CDC42EP3: variants seen among roughly 807,000 people sequenced by gnomAD.
CDC42EP3 encodes the protein CDC42 effector protein 3, also known as CDC42 effector protein (Rho GTPase binding) 3.
CDC42EP3 carries 4 observed loss-of-function variants against 15.5 expected under a neutral mutation model. That is an observed-to-expected ratio of 0.26 (90% CI 0.13 to 0.59). The LOEUF (loss-of-function observed/expected upper bound fraction) is 0.59, where lower values mean the gene tolerates loss of function less well. Ranked by LOEUF, CDC42EP3 falls within the 20% of genes least tolerant of loss-of-function variation. CDC42EP3 has a pLI of 0.89. For synonymous variants in CDC42EP3, 145 were observed against 130.3 expected, an observed-to-expected ratio of 1.11 and a Z score of -0.77; for missense variants, 309 against 311.2, an observed-to-expected ratio of 0.99 and a Z score of 0.05.
chr2:37,663,902 C>A (rs962982890), intron 1 of CDC42EP3, among the ~76,000 whole-genome samples: 1 of 151,984 alleles, frequency 6.6e-6, no homozygotes, highest in African/African-American at 2.4e-5. Flanking sequence ...AGGCCGGGCG[C>A]GGTGGCTCAT....
In CDC42EP3 at chr2:37,645,626, A is replaced by G. The variant is rs1239233314; in HGVS notation, c.*197T>C. ...TCTGACTCACTTCCTTTTTTTGCCA[A>G]GATAGGTTTTGCTTTGTTGTTTTTT... On this transcript the variant is annotated 3_prime_UTR_variant, in exon 2 of 2. Coordinates refer to ENST00000295324, the MANE Select transcript of CDC42EP3 (RefSeq NM_006449.5). 3 of 457,542 alleles carry G rather than the reference A, an allele frequency of 6.6e-6. No individual in the cohort carries two copies. The highest frequency in any genetic ancestry group is 2.0e-5 in the African/African-American group (1 of 49,642). 28.3% of individuals were successfully genotyped at this position (457,542 alleles called of 1,614,324 possible). A position where few individuals can be genotyped will look rare whatever the true frequency, so the allele number is the denominator to read the frequency against.
upstream of CDC42EP3, chr2:37,672,203 G>C (rs918455312): frequency 2.6e-5 from 4 of 152,318 alleles, no homozygotes; most frequent in South Asian, 2.1e-4. Context: ...GGGCGCGGAG[G>C]GGGAGGGTCG....
chr2:37,646,743 A>G lies in CDC42EP3; in HGVS notation c.-156T>C, dbSNP rs1490377815. 2.7e-6 allele frequency: 2 copies of G among 730,870 alleles called. No individual in the cohort carries two copies. The highest frequency in any genetic ancestry group is 5.4e-5 in the East Asian group (2 of 37,026). 45.3% of individuals were successfully genotyped at this position (730,870 alleles called of 1,614,324 possible). On this transcript the variant is annotated 5_prime_UTR_variant, in exon 2 of 2. Coordinates refer to ENST00000295324, the MANE Select transcript of CDC42EP3 (RefSeq NM_006449.5). ...TCGAAATGAGATGGGGTCAAAGAGA[A>G]CCTTCCTGAGGTTACGGCCAAGTGA... is the stretch of plus-strand genomic sequence containing the variant.
chr2:37,672,237 T>G (rs1368468124), upstream of CDC42EP3: 4 of 152,008 alleles, frequency 2.6e-5, no homozygotes, highest in African/African-American at 4.8e-5. Flanking sequence ...TCTAGCTCGC[T>G]CCCCTCAGAG....
chr2:37,654,094 A>G (rs558717122), intron 1 of CDC42EP3, among the ~76,000 whole-genome samples: 1 of 152,134 alleles, frequency 6.6e-6, no homozygotes, highest in South Asian at 2.1e-4. Flanking sequence ...GTTGGAACCA[A>G]CAGTCCTAGG....
At chr2:37,649,572 G>A (rs1478507630) in intron 1 of CDC42EP3, among the ~76,000 whole-genome samples, 2 of 151,748 alleles carry the variant, frequency 1.3e-5, no homozygotes, top group Non-Finnish European at 2.9e-5. Context: ...ATTTGGGACA[G>A]TGAGGAGGAA....
rs1170181775 is a variant in CDC42EP3 at position 37,646,497 on chromosome 2, T to TCATATCA, written c.84_90dup (p.Ile31Ter). 3.7e-6 allele frequency: 6 copies of TCATATCA among 1,612,204 alleles called. No homozygotes were observed. Among genetic ancestry groups the TCATATCA allele is most frequent in the Non-Finnish European group, 5.1e-6 (6 of 1,179,462 alleles). ...CGAAAGTCTCCAAGCGGGGGACTGATCATATCAGGAGACAGAATGTCCCTC... is the reference window on the plus strand; with the variant it reads ...CGAAAGTCTCCAAGCGGGGGACTGATCATATCACATATCAGGAGACAGAATGTCCCTC... On this transcript the variant is annotated stop_gained and frameshift_variant, in exon 2 of 2. Coordinates refer to ENST00000295324, the MANE Select transcript of CDC42EP3 (RefSeq NM_006449.5). LOFTEE classifies it high-confidence loss of function.
At chr2:37,659,108 A>G (rs758238378) in intron 1 of CDC42EP3, among the ~76,000 whole-genome samples, 2 of 152,220 alleles carry the variant, frequency 1.3e-5, no homozygotes, top group Non-Finnish European at 2.9e-5. Context: ...ACACTGGATT[A>G]TTACCACTAC....
At chr2:37,662,018 G>C (rs1203036636) in intron 1 of CDC42EP3, among the ~76,000 whole-genome samples, 1 of 151,802 alleles carries the variant, frequency 6.6e-6, no homozygotes, top group East Asian at 1.9e-4. Context: ...CCTTCCATCT[G>C]TCAAATGGTA....
At chr2:37,669,124 C>A (rs72881333) in intron 1 of CDC42EP3, among the ~76,000 whole-genome samples, 17,787 of 151,100 alleles carry the variant, frequency 0.12, 1,831 homozygotes, top group African/African-American at 0.28. Flanking sequence ...AATAATAATA[C>A]GATCAGAGCA....
chr2:37,667,861 C>A (rs562252735), intron 1 of CDC42EP3, among the ~76,000 whole-genome samples: 25 of 152,338 alleles, frequency 1.6e-4, no homozygotes, highest in African/African-American at 5.8e-4. Flanking sequence ...TCAAACCCTG[C>A]TTCTGCTATT....
chr2:37,655,841 AAAGCAAGG>A (rs1334549027), intron 1 of CDC42EP3, among the ~76,000 whole-genome samples: 2 of 152,254 alleles, frequency 1.3e-5, no homozygotes, highest in Non-Finnish European at 2.9e-5. Flanking sequence ...TCTCTGCTCA[AAAGCAAGG>A]AACTTGCTCT....
intron 1 of CDC42EP3, among the ~76,000 whole-genome samples, chr2:37,658,570 T>A (rs539173313): frequency 1.3e-5 from 2 of 152,300 alleles, no homozygotes; most frequent in South Asian, 4.1e-4. Flanking sequence ...TTGCCCCAAA[T>A]GGGATTTGCC....
chr2:37,666,798 A>T (rs1040486700), intron 1 of CDC42EP3, among the ~76,000 whole-genome samples: 3 of 143,366 alleles, frequency 2.1e-5, no homozygotes, highest in Non-Finnish European at 4.5e-5. Context: ...GCACTGAAGT[A>T]TATCAAGGAG....
chr2:37,649,420 A>C (rs1665591765), intron 1 of CDC42EP3, among the ~76,000 whole-genome samples: 2 of 123,932 alleles, frequency 1.6e-5, no homozygotes, highest in South Asian at 5.7e-4. Context: ...GTACCACTGC[A>C]CTACAGCCTA....
At chr2:37,660,940 C>T (rs1417840129) in intron 1 of CDC42EP3, among the ~76,000 whole-genome samples, 1 of 152,048 alleles carries the variant, frequency 6.6e-6, no homozygotes, top group East Asian at 1.9e-4. Context: ...GGACTTCATA[C>T]CATATGGGAG....
At chr2:37,655,710 C>G (rs1022083577) in intron 1 of CDC42EP3, among the ~76,000 whole-genome samples, 3 of 152,176 alleles carry the variant, frequency 2.0e-5, no homozygotes, top group Non-Finnish European at 2.9e-5. Context: ...GTGAACTGCT[C>G]ACGTGTTTCC....
intron 1 of CDC42EP3, among the ~76,000 whole-genome samples, chr2:37,665,728 C>A (rs1421637726): frequency 6.6e-6 from 1 of 152,214 alleles, no homozygotes; most frequent in Admixed American, 6.5e-5. Context: ...AGAGGCCTGA[C>A]TTGGAAGTTC....
chr2:37,645,935 G>C lies in CDC42EP3; in HGVS notation c.653C>G (p.Thr218Ser). 6.2e-7 allele frequency: 1 copy of C among 1,613,962 alleles called. No individual in the cohort carries two copies. The change falls in exon 2 of 2, where the codon ACT becomes AGT. Residue 218 changes from threonine to serine, a missense_variant. Thr to Ser is a moderately conservative substitution (Grantham distance 58, BLOSUM62 1). Transcript: ENST00000295324. ...PTPCELIKGK[T>S]KSEESLSDLT... ...GTCAGAGAGGGACTCCTCTGACTTAGTCTTTCCCTTGATGAGCTCGCATGG... is the reference window on the plus strand; with the variant it reads ...GTCAGAGAGGGACTCCTCTGACTTACTCTTTCCCTTGATGAGCTCGCATGG...
Sources: allele counts gnomAD v4.1 joint callset (sites outside exome capture counted in the v4.1 genomes callset), GRCh38; gene constraint gnomAD v4.1.1; transcripts MANE v1.5; gene names NCBI Gene and HGNC (gene_info 2026-07-23, HGNC 2026-07-21).